The following GPM6A variants were observed in gnomAD, a reference collection of about 807,000 sequenced individuals.
The protein encoded by GPM6A is glycoprotein M6A.
A neutral mutation model predicts 32.1 loss-of-function variants in GPM6A; 7 were observed. That is an observed-to-expected ratio of 0.22 (90% CI 0.12 to 0.41). The LOEUF is 0.41. Among genes scored for constraint, GPM6A ranks in the 10% least tolerant of loss-of-function variants. The pLI is 1.00. For synonymous variants in GPM6A, 130 were observed against 123.4 expected (o/e 1.05, Z -0.35); for missense variants, 235 against 347.2 (o/e 0.68, Z 2.57).
intron 2 of GPM6A, among the ~76,000 whole-genome samples, chr4:175,675,362 T>C (rs943604993): frequency 2.6e-5 from 4 of 151,952 alleles, no homozygotes; most frequent in East Asian, 1.9e-4. Flanking sequence ...CTGAATGCTA[T>C]GCAATAGTTG....
At position 175,640,978 on chromosome 4, in the gene GPM6A, G is replaced by C. The variant is rs995566572; in HGVS notation, c.542-149C>G. ...GGAAAAATAATCTAGCTTTCATTGTGGATAATAACTATGCATAGAATTATG... is the reference window on the plus strand; with the variant it reads ...GGAAAAATAATCTAGCTTTCATTGTCGATAATAACTATGCATAGAATTATG... On this transcript the variant is annotated intron_variant, in intron 4 of 6. Transcript: ENST00000393658. 15 of 609,472 alleles carry C rather than the reference G, an allele frequency of 2.5e-5. No homozygotes were observed. In the African/African-American group the frequency reaches 2.6e-4, roughly 11 times the overall value. The allele number at this position is 609,472 out of a possible 1,614,324, so 37.8% of individuals were successfully genotyped here.
intron 1 of GPM6A, among the ~76,000 whole-genome samples, chr4:175,966,292 C>T (rs187655446): frequency 6.2e-4 from 94 of 152,022 alleles, no homozygotes; most frequent in African/African-American, 2.2e-3. Flanking sequence ...GTCAGAGCTA[C>T]TCAGGAGGCT....
chr4:175,635,027 A>G lies in GPM6A; in HGVS notation c.715T>C (p.Trp239Arg). The change falls in exon 7 of 7, where the codon TGG becomes CGG. Residue 239 changes from tryptophan to arginine, a missense_variant. Trp to Arg is a moderately radical substitution (Grantham distance 101, BLOSUM62 -3). Transcript: ENST00000393658. ...VHYLMVLSAN[W>R]AYVKDACRMQ... Reference sequence around the variant, plus strand: ...CGGCAGGCGTCTTTCACATAGGCCCAGTTGGCAGACAGAACCATAAGGTAG... The same window carrying G: ...CGGCAGGCGTCTTTCACATAGGCCCGGTTGGCAGACAGAACCATAAGGTAG... The G allele has an allele frequency of 6.2e-7, 1 of 1,613,840 alleles. No individual in the cohort carries two copies. Among genetic ancestry groups the G allele is most frequent in the South Asian group, 1.1e-5 (1 of 91,078 alleles).
In GPM6A at chr4:175,673,740, G is replaced by A; in HGVS notation, c.327C>T (p.Ala109=). Residue 109 remains alanine (A), a synonymous_variant, in exon 3 of 7, where the codon GCC becomes GCT. Transcript: ENST00000393658. ...LMVEGFFTTG[A]IKDLYGDFKI... ...TGAAATCCCCATAGAGATCTTTGAT[G>A]GCCCCAGTTGTGAAGAAACCTTCCA... The A allele has an allele frequency of 1.2e-6, 2 of 1,612,576 alleles. No homozygotes were observed. Among genetic ancestry groups the A allele is most frequent in the Non-Finnish European group, 1.7e-6 (2 of 1,178,860 alleles).
chr4:175,757,941 G>C (rs2111202373), intron 1 of GPM6A, among the ~76,000 whole-genome samples: 1 of 152,270 alleles, frequency 6.6e-6, no homozygotes, highest in Non-Finnish European at 1.5e-5. Context: ...CTAATATCAT[G>C]ATAAAATAAA....
chr4:175,770,931 A>C (rs1049255846), intron 1 of GPM6A, among the ~76,000 whole-genome samples: 1 of 152,180 alleles, frequency 6.6e-6, no homozygotes, highest in Non-Finnish European at 1.5e-5. Flanking sequence ...TACTGGTATT[A>C]ATCTGAGAGC....
At chr4:175,758,360 C>A (rs115126761) in intron 1 of GPM6A, among the ~76,000 whole-genome samples, 1 of 151,916 alleles carries the variant, frequency 6.6e-6, no homozygotes, top group East Asian at 1.9e-4. Flanking sequence ...AGCATTTTTA[C>A]GAAAATGGAT....
intron 2 of GPM6A, among the ~76,000 whole-genome samples, chr4:175,699,253 A>G (rs1744739915): frequency 6.6e-6 from 1 of 152,190 alleles, no homozygotes; most frequent in African/African-American, 2.4e-5. Flanking sequence ...GCAATAATCT[A>G]GAGCATTTTA....
intron 1 of GPM6A, among the ~76,000 whole-genome samples, chr4:175,954,093 T>C (rs1048833247): frequency 6.6e-6 from 1 of 152,182 alleles, no homozygotes; most frequent in Non-Finnish European, 1.5e-5. Flanking sequence ...ATACCTTGAC[T>C]TTTCCTAGAG....
chr4:175,656,257 T>C (rs1441865870), intron 3 of GPM6A, among the ~76,000 whole-genome samples: 1 of 152,120 alleles, frequency 6.6e-6, no homozygotes, highest in African/African-American at 2.4e-5. Context: ...ATGATAAAGA[T>C]TGGGTGCTAT....
At chr4:175,964,816 A>G (rs1255990015) in intron 1 of GPM6A, among the ~76,000 whole-genome samples, 1 of 152,200 alleles carries the variant, frequency 6.6e-6, no homozygotes, top group Non-Finnish European at 1.5e-5. Flanking sequence ...CAGAGCAAGG[A>G]AGGTTATCAC....
chr4:175,636,567 G>A (rs532842034), intron 6 of GPM6A, among the ~76,000 whole-genome samples: 20 of 150,224 alleles, frequency 1.3e-4, no homozygotes, highest in African/African-American at 3.9e-4. Context: ...AGGCCAAGGC[G>A]GGTTGATCAC....
chr4:175,758,249 A>C (rs1732607059), intron 1 of GPM6A, among the ~76,000 whole-genome samples: 1 of 152,228 alleles, frequency 6.6e-6, no homozygotes, highest in Non-Finnish European at 1.5e-5. Flanking sequence ...AAAAATGCTT[A>C]GTAAGCAATA....
At position 175,993,185 on chromosome 4, in the gene GPM6A, CT is replaced by C. The variant is rs553051620; in HGVS notation, c.-23+9123del. 4.0e-3 allele frequency among the ~76,000 whole-genome samples: 544 copies of C among 137,584 alleles called. 2 individuals carry two copies. The highest frequency in any genetic ancestry group is 0.011 in the East Asian group (51 of 4,538). 90.3% of individuals were successfully genotyped at this position (137,584 alleles called of 152,430 possible). A position where few individuals can be genotyped will look rare whatever the true frequency, so the allele number is the denominator to read the frequency against. ...CTTTCTTCCTTACTTTTCTTCCTTTCTTTTTTTTTTTTCCTAGTCCTTGTAA... is the reference window on the plus strand; with the variant it reads ...CTTTCTTCCTTACTTTTCTTCCTTTCTTTTTTTTTTTCCTAGTCCTTGTAA... On this transcript the variant is annotated intron_variant, in intron 1 of 7. Transcript: ENST00000280187.
chr4:175,850,267 C>T (rs1050448364), intron 1 of GPM6A, among the ~76,000 whole-genome samples: 1 of 152,098 alleles, frequency 6.6e-6, no homozygotes, highest in Admixed American at 6.6e-5. Flanking sequence ...TTACAATCAC[C>T]ACCGTGGGAT....
chr4:175,829,558 C>T (rs1013343164), intron 1 of GPM6A, among the ~76,000 whole-genome samples: 41 of 150,542 alleles, frequency 2.7e-4, no homozygotes, highest in Admixed American at 7.3e-4. Context: ...GAGAGCTGTC[C>T]GCTGGGGGTT....
At chr4:175,718,565 G>T (rs925866484) in intron 1 of GPM6A, among the ~76,000 whole-genome samples, 5 of 152,086 alleles carry the variant, frequency 3.3e-5, no homozygotes, top group Non-Finnish European at 2.9e-5. Context: ...GCAGTGAGCC[G>T]AGATTGCGCC....
chr4:175,668,116 C>T (rs933888908), intron 3 of GPM6A, among the ~76,000 whole-genome samples: 1 of 152,068 alleles, frequency 6.6e-6, no homozygotes. Context: ...TCAACTTTTA[C>T]ATTAGACATC....
chr4:175,735,555 T>G (rs1731622513), intron 1 of GPM6A, among the ~76,000 whole-genome samples: 1 of 151,988 alleles, frequency 6.6e-6, no homozygotes, highest in African/African-American at 2.4e-5. Context: ...TTAGAACTAT[T>G]TATGAATCTT....
Sources: allele counts gnomAD v4.1 joint callset (sites outside exome capture counted in the v4.1 genomes callset), GRCh38; gene constraint gnomAD v4.1.1; transcripts MANE v1.5; gene names NCBI Gene and HGNC (gene_info 2026-07-23, HGNC 2026-07-21).